The following VOPP1 variants were observed in gnomAD, a reference collection of about 807,000 sequenced individuals.
The protein encoded by VOPP1 is WW domain binding protein VOPP1.
A neutral mutation model predicts 23.5 loss-of-function variants in VOPP1; 8 were observed. The observed-to-expected ratio is 0.34, with a 90% CI of 0.20 to 0.61. VOPP1 has a LOEUF of 0.61. Ranked by LOEUF, VOPP1 falls within the 20% of genes least tolerant of loss-of-function variation. The pLI, the probability that VOPP1 is intolerant of heterozygous loss-of-function variation, is 0.78. For synonymous variants in VOPP1, 83 were observed against 97.3 expected, an observed-to-expected ratio of 0.85 and a Z score of 0.86; for missense variants, 174 against 238.1, an observed-to-expected ratio of 0.73 and a Z score of 1.77.
Position 55,437,862 on chromosome 7 carries a change from A to C in VOPP1, n.418-1688T>G, listed in dbSNP as rs563754225. On this transcript the variant is annotated intron_variant and non_coding_transcript_variant, in intron 4 of 4. Coordinates refer to the VOPP1 transcript ENST00000462326. The stretch of plus-strand genomic sequence containing the variant: ...TTTTCTTTTCTGGAATTTATTTTTT[A>C]TATCAGTGTATCTTTTATATAGTAT... 6.1e-5 allele frequency among the ~76,000 whole-genome samples: 9 copies of C among 148,412 alleles called. No homozygotes were observed. In the South Asian group the frequency reaches 1.9e-3, roughly 32 times the overall value.
At chr7:55,562,015 T>C (rs1798006086) in intron 1 of VOPP1, 1 of 703,590 alleles carries the variant, frequency 1.4e-6, no homozygotes, top group Non-Finnish European at 2.6e-6. Flanking sequence ...GGATGAAGAC[T>C]TCTGATCCTC....
chr7:55,542,385 A>G (rs1286858169), intron 1 of VOPP1, among the ~76,000 whole-genome samples: 2 of 152,132 alleles, frequency 1.3e-5, no homozygotes, highest in Admixed American at 6.5e-5. Context: ...TTTCATCCCC[A>G]ACAATTAACT....
intron 4 of VOPP1, among the ~76,000 whole-genome samples, chr7:55,481,761 G>A (rs1792729894): frequency 1.3e-5 from 2 of 152,158 alleles, no homozygotes; most frequent in South Asian, 4.1e-4. Flanking sequence ...GCTCAGCAGG[G>A]GACACGAAGG....
At chr7:55,441,270 G>A (rs972742150) in intron 4 of VOPP1, among the ~76,000 whole-genome samples, 1 of 152,138 alleles carries the variant, frequency 6.6e-6, no homozygotes, top group Non-Finnish European at 1.5e-5. Context: ...AACTGCCATG[G>A]CCTATGGTAC....
At chr7:55,466,060 A>C (rs552856917), downstream of VOPP1, among the ~76,000 whole-genome samples, 1,825 of 152,186 alleles carry the variant, frequency 0.012, 12 homozygotes, top group Admixed American at 0.021. Context: ...CAGAGAGAGA[A>C]CCCCTCACCC....
chr7:55,556,857 T>C (rs1288068963), intron 1 of VOPP1, among the ~76,000 whole-genome samples: 3 of 152,198 alleles, frequency 2.0e-5, no homozygotes, highest in African/African-American at 7.2e-5. Context: ...CCTGCTTCGC[T>C]TAGACCAGGT....
chr7:55,536,619 G>A (rs1796807310), intron 1 of VOPP1, among the ~76,000 whole-genome samples: 1 of 152,282 alleles, frequency 6.6e-6, no homozygotes, highest in East Asian at 1.9e-4. Flanking sequence ...GAACTTCATT[G>A]TGTCTCTCAA....
intron 1 of VOPP1, among the ~76,000 whole-genome samples, chr7:55,533,665 T>A (rs185538719): frequency 2.0e-5 from 3 of 152,218 alleles, no homozygotes; most frequent in African/African-American, 7.2e-5. Context: ...GAACCCCTCA[T>A]ACTACCCACC....
intron 4 of VOPP1, among the ~76,000 whole-genome samples, chr7:55,444,570 C>T (rs1191019540): frequency 6.6e-6 from 1 of 152,104 alleles, no homozygotes; most frequent in Non-Finnish European, 1.5e-5. Context: ...GGATTGAGGG[C>T]CACTCTGGAA....
chr7:55,476,557 G>A (rs1176110740), intron 4 of VOPP1, among the ~76,000 whole-genome samples: 1 of 152,138 alleles, frequency 6.6e-6, no homozygotes, highest in Non-Finnish European at 1.5e-5. Context: ...GCCCAGGAGG[G>A]ACAGAGGCCA....
intron 1 of VOPP1, among the ~76,000 whole-genome samples, chr7:55,554,120 C>T (rs1347907361): frequency 6.6e-6 from 1 of 152,222 alleles, no homozygotes; most frequent in South Asian, 2.1e-4. Context: ...GAGAGGTATG[C>T]CAGTAAGAGT....
chr7:55,477,727 G>C (rs1342370214), intron 4 of VOPP1, among the ~76,000 whole-genome samples: 1 of 152,242 alleles, frequency 6.6e-6, no homozygotes, highest in Non-Finnish European at 1.5e-5. Context: ...ATTTGAACAT[G>C]GAGATGGAGA....
In VOPP1 at chr7:55,564,136, C is replaced by T. The variant is rs147236280; in HGVS notation, c.54+8135G>A. ...AACCTGGCTTCACAGCTTCACTCAC[C>T]GCAGGCCTGGCTGCTTTTCTCTCCA... On this transcript the variant is annotated intron_variant, in intron 1 of 4. Coordinates refer to ENST00000285279, the MANE Select transcript of VOPP1 (RefSeq NM_030796.5). 9.3e-3 allele frequency among the ~76,000 whole-genome samples: 1,423 copies of T among 152,238 alleles called. 26 individuals carry two copies. The highest frequency in any genetic ancestry group is 0.033 in the African/African-American group (1,356 of 41,534).
chr7:55,461,160 T>C (rs1791490784), intron 4 of VOPP1, among the ~76,000 whole-genome samples: 1 of 152,106 alleles, frequency 6.6e-6, no homozygotes, highest in Non-Finnish European at 1.5e-5. Context: ...CCATATGTTC[T>C]CACTCGTAAG....
At chr7:55,512,962 G>C (rs1795179375) in intron 2 of VOPP1, among the ~76,000 whole-genome samples, 1 of 152,224 alleles carries the variant, frequency 6.6e-6, no homozygotes. Context: ...CCTTGTCTCT[G>C]GATCTTGATT....
At chr7:55,570,945 A>G (rs1798331237) in intron 1 of VOPP1, among the ~76,000 whole-genome samples, 1 of 152,160 alleles carries the variant, frequency 6.6e-6, no homozygotes, top group African/African-American at 2.4e-5. Context: ...CCATCTCAAA[A>G]CTAAAGAAAT....
At chr7:55,464,376 T>C (rs981621507) in intron 4 of VOPP1, among the ~76,000 whole-genome samples, 3 of 152,012 alleles carry the variant, frequency 2.0e-5, no homozygotes, top group African/African-American at 7.3e-5. Context: ...TGGTGATAGG[T>C]GCAGCAGACC....
intron 2 of VOPP1, among the ~76,000 whole-genome samples, chr7:55,512,881 C>T (rs1795174059): frequency 6.6e-6 from 1 of 152,214 alleles, no homozygotes; most frequent in African/African-American, 2.4e-5. Context: ...GTCCAGGGAG[C>T]CTGGGACTGA....
intron 4 of VOPP1, among the ~76,000 whole-genome samples, chr7:55,440,806 G>T (rs1420796171): frequency 6.6e-6 from 1 of 152,138 alleles, no homozygotes; most frequent in East Asian, 1.9e-4. Flanking sequence ...GCCCATGAGG[G>T]TTTGCATCTC....
Sources: allele counts gnomAD v4.1 joint callset (sites outside exome capture counted in the v4.1 genomes callset), GRCh38; gene constraint gnomAD v4.1.1; transcripts MANE v1.5; gene names NCBI Gene and HGNC (gene_info 2026-07-23, HGNC 2026-07-21).